The following RB1CC1 variants were observed in gnomAD, a reference collection of about 807,000 sequenced individuals.
RB1CC1 encodes the protein RB1-inducible coiled-coil protein 1.
In RB1CC1, 46 loss-of-function variants were observed where a neutral mutation model predicts 177.5. The observed-to-expected ratio is 0.26, with a 90% CI of 0.20 to 0.33. The LOEUF (loss-of-function observed/expected upper bound fraction) is 0.33, where lower values mean the gene tolerates loss of function less well. Ranked by LOEUF, RB1CC1 falls within the 10% of genes least tolerant of loss-of-function variation. The probability of loss-of-function intolerance (pLI) is 1.00; values close to 1 mark genes in which losing one functional copy is unlikely to be tolerated. For missense variants in RB1CC1, 1,703 were observed against 1,816.3 expected (o/e 0.94, Z 1.13); for synonymous variants, 666 against 613.6 (o/e 1.09, Z -1.26).
At chr8:52,669,554 T>TA (rs1449661868) in intron 7 of RB1CC1, among the ~76,000 whole-genome samples, 1 of 152,182 alleles carries the variant, frequency 6.6e-6, no homozygotes, top group African/African-American at 2.4e-5. Context: ...GGTGCATGTC[T>TA]AACACTACCG....
Position 52,673,961 on chromosome 8 carries a change from T to G in RB1CC1, c.886A>C (p.Thr296Pro), listed in dbSNP as rs573057589. The G allele has an allele frequency of 1.2e-5, 20 of 1,614,068 alleles. No individual in the cohort carries two copies. Among genetic ancestry groups the G allele is most frequent in the East Asian group, 2.2e-5 (1 of 44,882 alleles). Residue 296 changes from threonine to proline, a missense_variant, in exon 7 of 24, where the codon ACT becomes CCT. Physicochemically the swap from Thr to Pro is conservative, Grantham distance 38. This residue lies in a region of RB1CC1 where 315 missense variants were observed against 304.9 expected (regional missense o/e 1.03). Transcript: ENST00000025008. ...AAAAAGGGCAGATCACCATCTTTAGTGTCAATCGTAGTTTCATCTTGCTGA... is the reference window on the plus strand; with the variant it reads ...AAAAAGGGCAGATCACCATCTTTAGGGTCAATCGTAGTTTCATCTTGCTGA... ...VHQQDETTIDTKDGDLPFFNV... is the reference protein window; with the variant it reads ...VHQQDETTIDPKDGDLPFFNV...
intron 5 of RB1CC1, among the ~76,000 whole-genome samples, chr8:52,678,725 G>C (rs917642369): frequency 3.3e-5 from 5 of 152,156 alleles, no homozygotes; most frequent in African/African-American, 9.7e-5. Context: ...TAGGTGAAAA[G>C]AAATATCTTT....
At chr8:52,662,210 T>C (rs1851693507) in intron 8 of RB1CC1, among the ~76,000 whole-genome samples, 1 of 152,228 alleles carries the variant, frequency 6.6e-6, no homozygotes, top group South Asian at 2.1e-4. Flanking sequence ...GGACTATATT[T>C]TGTTCCACTG....
At chr8:52,635,608 A>G (rs1849081594) in intron 19 of RB1CC1, among the ~76,000 whole-genome samples, 1 of 152,048 alleles carries the variant, frequency 6.6e-6, no homozygotes, top group South Asian at 2.1e-4. Context: ...AACTCCCTTC[A>G]TTACTTATTT....
rs1466752509 is a variant in RB1CC1 at position 52,674,119 on chromosome 8, G to A, written c.728C>T (p.Ser243Phe). The change falls in exon 7 of 24, where the codon TCT becomes TTT. Residue 243 changes from serine to phenylalanine, a missense_variant. Physicochemically the swap from Ser to Phe is radical, Grantham distance 155. Around this residue, in one of 6 missense-constraint regions of RB1CC1, gnomAD observed 315 missense variants for 304.9 expected, o/e 1.03. Transcript: ENST00000025008. ...EMKRSTELVL[S>F]PDMPRTTNES... ...GTTAGTTGTTCTAGGCATATCAGGA[G>A]AGAGCACCAGTTCAGTGGATCTTTT... is the stretch of plus-strand genomic sequence containing the variant. The A allele has an allele frequency of 2.5e-6, 4 of 1,614,136 alleles. No homozygotes were observed. The highest frequency in any genetic ancestry group is 1.7e-5 in the Admixed American group (1 of 60,024).
At chr8:52,701,326 C>T (rs895041435) in intron 1 of RB1CC1, among the ~76,000 whole-genome samples, 3 of 151,970 alleles carry the variant, frequency 2.0e-5, no homozygotes, top group Non-Finnish European at 2.9e-5. Context: ...GGTTTCAGCA[C>T]GTTGGCCAGG....
chr8:52,657,260 T>G lies in RB1CC1; in HGVS notation c.2569A>C (p.Ile857Leu). Reference protein sequence around the residue: ...IIEKVKCSLEITLKEKHQKEL... With the variant: ...IIEKVKCSLELTLKEKHQKEL... ...TTTTGATGTTTTTCTTTTAGTGTTA[T>G]TTCCAGAGAACATTTTACTTTTTCA... is the stretch of plus-strand genomic sequence containing the variant. The change falls in exon 15 of 24, where the codon ATA (isoleucine) becomes CTA (leucine). Residue 857 changes from isoleucine (I) to leucine (L), a missense_variant. Physicochemically the swap from Ile to Leu is conservative, Grantham distance 5. Around this residue, in one of 6 missense-constraint regions of RB1CC1, gnomAD observed 1,169 missense variants for 1,184.7 expected, o/e 0.99. Coordinates refer to ENST00000025008, the MANE Select transcript of RB1CC1 (RefSeq NM_014781.5). The G allele has an allele frequency of 6.3e-7, 1 of 1,599,740 alleles. No individual in the cohort carries two copies. The highest frequency in any genetic ancestry group is 8.6e-7 in the Non-Finnish European group (1 of 1,168,424).
chr8:52,656,270 A>G lies in RB1CC1; in HGVS notation c.3559T>C (p.Leu1187=). The change falls in exon 15 of 24, where the codon TTG becomes CTG. Residue 1187 remains leucine (L), a synonymous_variant. Coordinates refer to ENST00000025008, the MANE Select transcript of RB1CC1 (RefSeq NM_014781.5). ...TCTTTTTGTCTTTCAAGAGCACTCA[A>G]TTCTGAATCCAATTTACTCTGCAGT... is the stretch of plus-strand genomic sequence containing the variant. ...IELQSKLDSE[L]SALERQKDEK... 1 of 1,613,390 alleles carries G rather than the reference A, an allele frequency of 6.2e-7. No individual in the cohort carries two copies. The highest frequency in any genetic ancestry group is 8.5e-7 in the Non-Finnish European group (1 of 1,179,828).
chr8:52,634,364 T>C (rs919616413), intron 20 of RB1CC1, among the ~76,000 whole-genome samples: 1 of 151,862 alleles, frequency 6.6e-6, no homozygotes, highest in Non-Finnish European at 1.5e-5. Flanking sequence ...CTCTATTAAT[T>C]ATGTAAAAAT....
chr8:52,668,476 A>G (rs1212915375), intron 7 of RB1CC1, among the ~76,000 whole-genome samples: 1 of 152,216 alleles, frequency 6.6e-6, no homozygotes, highest in Non-Finnish European at 1.5e-5. Flanking sequence ...CTCTCAGAAA[A>G]AGGTATTTTC....
chr8:52,699,979 A>G (rs1034295709), intron 1 of RB1CC1, among the ~76,000 whole-genome samples: 1 of 151,538 alleles, frequency 6.6e-6, no homozygotes, highest in African/African-American at 2.4e-5. Context: ...ATTTTATAAA[A>G]GGCTACTACA....
At chr8:52,662,440 T>C (rs921000961) in intron 8 of RB1CC1, among the ~76,000 whole-genome samples, 1 of 152,118 alleles carries the variant, frequency 6.6e-6, no homozygotes, top group Admixed American at 6.5e-5. Flanking sequence ...CAAGTATATT[T>C]AGTTTTCTTT....
intron 15 of RB1CC1, among the ~76,000 whole-genome samples, chr8:52,652,777 G>C (rs1850724955): frequency 6.6e-6 from 1 of 152,114 alleles, no homozygotes; most frequent in South Asian, 2.1e-4. Flanking sequence ...AAGTTTGCTG[G>C]CCAGGCGTGG....
At position 52,660,916 on chromosome 8, in the gene RB1CC1, G is replaced by A. The variant is rs1441476793; in HGVS notation, c.1627+10C>T. ...TACAAAAGTAATTAAAATTATTAAT[G>A]AACACTTACTAAATAATTTCCCAAA... On this transcript the variant is annotated intron_variant, in intron 11 of 23. Coordinates refer to ENST00000025008, the MANE Select transcript of RB1CC1 (RefSeq NM_014781.5). 4.4e-6 allele frequency: 7 copies of A among 1,589,080 alleles called. No homozygotes were observed. The African/African-American group carries it at 6.8e-5, about 15-fold the overall frequency.
At chr8:52,668,226 T>G in intron 7 of RB1CC1, 35 bp from the exon 8 acceptor site, 1 of 1,599,314 alleles carries the variant, frequency 6.3e-7, no homozygotes, top group Non-Finnish European at 8.5e-7. Context: ...AATACAATTT[T>G]CAGCAAATAG....
In RB1CC1 at chr8:52,657,928, G is replaced by C. The variant is rs777038551; in HGVS notation, c.1921-20C>G. On this transcript the variant is annotated intron_variant, in intron 14 of 23. Coordinates refer to ENST00000025008, the MANE Select transcript of RB1CC1 (RefSeq NM_014781.5). ...AGATGCCTGGAAAACAGAAAGAAAG[G>C]CTTAAAGAGCTGCAGGAACACAAAC... 2 of 1,612,634 alleles carry C rather than the reference G, an allele frequency of 1.2e-6. No individual in the cohort carries two copies. Among genetic ancestry groups the C allele is most frequent in the Non-Finnish European group, 8.5e-7 (1 of 1,179,292 alleles).
chr8:52,684,209 A>G (rs758883346), intron 3 of RB1CC1, among the ~76,000 whole-genome samples, 196 bp from the exon 4 acceptor site: 2 of 152,208 alleles, frequency 1.3e-5, no homozygotes, highest in Non-Finnish European at 2.9e-5. Flanking sequence ...TAGGTAAATA[A>G]CAGCAAAAGA....
intron 1 of RB1CC1, among the ~76,000 whole-genome samples, chr8:52,696,667 T>C (rs899331175): frequency 6.6e-6 from 1 of 152,000 alleles, no homozygotes; most frequent in South Asian, 2.1e-4. Flanking sequence ...TGATAAAAAC[T>C]TAAAAAGCAA....
intron 1 of RB1CC1, among the ~76,000 whole-genome samples, chr8:52,697,005 CA>C (rs571952065): frequency 1.3e-5 from 2 of 151,632 alleles, no homozygotes; most frequent in Non-Finnish European, 2.9e-5. Flanking sequence ...CGTCTCAAAA[CA>C]AAAAACAAAA....
Sources: gnomAD v4.1 joint callset for allele counts (sites outside exome capture counted in the v4.1 genomes callset) on GRCh38, gnomAD v4.1.1 for gene constraint, gnomAD v4.1.1 regional missense constraint, MANE v1.5 for transcripts, NCBI Gene and HGNC (gene_info 2026-07-23, HGNC 2026-07-21) for gene names.